PLEKHM3: variants seen among roughly 807,000 people sequenced by gnomAD.
PLEKHM3 encodes pleckstrin homology domain-containing family M member 3.
In PLEKHM3, 45 loss-of-function variants were observed where a neutral mutation model predicts 81.8. The ratio of observed to expected loss-of-function variants is 0.55; its 90% CI spans 0.43 to 0.71. PLEKHM3 has a LOEUF of 0.71. PLEKHM3 is among the 30% of genes least tolerant of loss of function. The probability of loss-of-function intolerance (pLI) is 0.00; values close to 1 mark genes in which losing one functional copy is unlikely to be tolerated. For synonymous variants in PLEKHM3, 352 were observed against 356.4 expected, an observed-to-expected ratio of 0.99 and a Z score of 0.14; for missense variants, 788 against 924.3, an observed-to-expected ratio of 0.85 and a Z score of 1.91.
intron 1 of PLEKHM3, among the ~76,000 whole-genome samples, chr2:208,006,479 T>C (rs760462892): frequency 7.9e-5 from 12 of 152,224 alleles, no homozygotes; most frequent in Non-Finnish European, 1.3e-4. Flanking sequence ...GGGTGGCCTC[T>C]GGCAAACCAT....
rs1574461039 is a variant in PLEKHM3, at chr2:207,976,509, A to G, written c.1546+142T>C. 4 of 779,668 alleles carry G rather than the reference A, an allele frequency of 5.1e-6. No homozygotes were observed. In the East Asian group the frequency reaches 8.1e-5, roughly 16 times the overall value. The allele number at this position is 779,668 out of a possible 1,614,324, so 48.3% of individuals were successfully genotyped here. A position where few individuals can be genotyped will look rare whatever the true frequency, so the allele number is the denominator to read the frequency against. On this transcript the variant is annotated intron_variant, in intron 3 of 7. Transcript: ENST00000427836. The surrounding 1 kb of genome is among the most constrained non-coding windows in gnomAD (Gnocchi z 4.1). ...AATTTAATATAGGATGTTTTAATACAGTAAGCTTCTCGAGGAGAGATACTT... is the reference window on the plus strand; with the variant it reads ...AATTTAATATAGGATGTTTTAATACGGTAAGCTTCTCGAGGAGAGATACTT...
At chr2:207,897,809 A>G (rs1425582268) in intron 6 of PLEKHM3, among the ~76,000 whole-genome samples, 1 of 152,140 alleles carries the variant, frequency 6.6e-6, no homozygotes, top group African/African-American at 2.4e-5. Flanking sequence ...CTACCTCACA[A>G]AGCAATGTCA....
chr2:207,980,808 G>C (rs1490011331), intron 2 of PLEKHM3, among the ~76,000 whole-genome samples: 1 of 152,024 alleles, frequency 6.6e-6, no homozygotes, highest in Non-Finnish European at 1.5e-5. Context: ...ATTCTTACAG[G>C]CTGCTGTTTG....
chr2:207,971,897 T>C (rs1691134177), intron 3 of PLEKHM3, among the ~76,000 whole-genome samples: 1 of 152,218 alleles, frequency 6.6e-6, no homozygotes, highest in African/African-American at 2.4e-5. Flanking sequence ...AAACATAAAA[T>C]GTAATCTGAA....
chr2:207,862,358 T>G (rs551279707), intron 6 of PLEKHM3, among the ~76,000 whole-genome samples: 1 of 152,302 alleles, frequency 6.6e-6, no homozygotes, highest in East Asian at 1.9e-4. Context: ...TGAGGGAGGC[T>G]GGGTGCTATG....
chr2:207,985,885 A>G (rs1259447292), intron 2 of PLEKHM3, among the ~76,000 whole-genome samples: 3 of 151,754 alleles, frequency 2.0e-5, no homozygotes, highest in Non-Finnish European at 2.9e-5. Context: ...CTACTCGGGA[A>G]GCTGAGGCAG....
rs1688087964 is a variant in PLEKHM3, at chr2:207,892,414, C to T, written c.1950+16100G>A. Among the ~76,000 whole-genome samples, 3 of 152,168 alleles carry T rather than the reference C, an allele frequency of 2.0e-5. No homozygotes were observed. The South Asian group carries it at 6.2e-4, about 31-fold the overall frequency. On this transcript the variant is annotated intron_variant, in intron 6 of 7. Transcript: ENST00000427836. ...CAGATTGCATTTTAAAATACTATAG[C>T]TTCTCCTCCACTGTTAACCATTTCA...
chr2:207,923,880 C>CACACACATATATAT (rs1319162543), intron 5 of PLEKHM3, among the ~76,000 whole-genome samples: 38 of 56,762 alleles, frequency 6.7e-4, no homozygotes, highest in Non-Finnish European at 8.3e-4. Context: ...CACACACACA[C>CACACACATATATAT]ATATATATAT....
chr2:207,834,664 A>T (rs2092308087), intron 7 of PLEKHM3, among the ~76,000 whole-genome samples: 1 of 151,266 alleles, frequency 6.6e-6, no homozygotes. Flanking sequence ...ACCTCAGGTG[A>T]TCCACCTGCC....
At position 207,826,593 on chromosome 2, in the gene PLEKHM3, G is replaced by A. The variant is rs1343239181; in HGVS notation, c.*1726C>T. 6.6e-6 allele frequency: 1 copy of A among 152,192 alleles called. No homozygotes were observed. The highest frequency in any genetic ancestry group is 2.4e-5 in the African/African-American group (1 of 41,438). 9.4% of individuals were successfully genotyped at this position (152,192 alleles called of 1,614,324 possible). Reference sequence around the variant, plus strand: ...CCTGGGGCCAAAGGAACTGGTGTGGGTTGAGAGGTAAAATGCTTACATCTA... The same window carrying A: ...CCTGGGGCCAAAGGAACTGGTGTGGATTGAGAGGTAAAATGCTTACATCTA... On this transcript the variant is annotated 3_prime_UTR_variant, in exon 8 of 8. Coordinates refer to ENST00000427836, the MANE Select transcript of PLEKHM3 (RefSeq NM_001080475.3).
intron 2 of PLEKHM3, among the ~76,000 whole-genome samples, chr2:207,985,857 A>G (rs946063344): frequency 3.9e-5 from 6 of 152,048 alleles, no homozygotes; most frequent in East Asian, 1.9e-4. Flanking sequence ...GTGTGGTGGC[A>G]GGCACCTGTA....
chr2:207,951,666 C>G (rs1690331481), intron 3 of PLEKHM3, among the ~76,000 whole-genome samples: 1 of 152,158 alleles, frequency 6.6e-6, no homozygotes, highest in African/African-American at 2.4e-5. Context: ...ACGTACAGTC[C>G]ATTTCCCAAA....
At chr2:207,894,869 C>T (rs868691740) in intron 6 of PLEKHM3, among the ~76,000 whole-genome samples, 21 of 152,212 alleles carry the variant, frequency 1.4e-4, no homozygotes, top group African/African-American at 4.6e-4. Context: ...TTTAGCTGGA[C>T]GACTTTGTGC....
intron 3 of PLEKHM3, among the ~76,000 whole-genome samples, chr2:207,953,868 G>C (rs924621059): frequency 5.7e-4 from 87 of 151,456 alleles, no homozygotes; most frequent in African/African-American, 2.0e-3. Flanking sequence ...ACAGAGAGCT[G>C]ACATGTTAAA....
intron 7 of PLEKHM3, among the ~76,000 whole-genome samples, chr2:207,857,667 C>T (rs10179845): frequency 0.59 from 89,389 of 151,864 alleles, 26,774 homozygotes; most frequent in Non-Finnish European, 0.65. Flanking sequence ...TTATAATACT[C>T]TTTTATAATT....
intron 3 of PLEKHM3, among the ~76,000 whole-genome samples, chr2:207,965,331 A>G (rs1332816602): frequency 1.3e-5 from 2 of 152,034 alleles, no homozygotes; most frequent in African/African-American, 4.8e-5. Context: ...AAGCTACAAA[A>G]AGGGACAAGA....
rs915087909 is a variant in PLEKHM3, at chr2:208,023,044, C to T, written c.-319+2345G>A. Among the ~76,000 whole-genome samples the T allele has an allele frequency of 5.3e-5, 8 of 152,240 alleles. No individual in the cohort carries two copies. The East Asian group carries it at 1.5e-3, about 29-fold the overall frequency. ...CAAAGGCAACTAACTATGAATGGGG[C>T]TGCAGCATGCTAATAAAATTTTGAA... On this transcript the variant is annotated intron_variant, in intron 1 of 7. Coordinates refer to ENST00000427836, the MANE Select transcript of PLEKHM3 (RefSeq NM_001080475.3).
intron 3 of PLEKHM3, among the ~76,000 whole-genome samples, chr2:207,969,364 C>G (rs1473573538): frequency 6.6e-6 from 1 of 152,254 alleles, no homozygotes; most frequent in Non-Finnish European, 1.5e-5. Flanking sequence ...CCCAGAAATA[C>G]TGCTTACTTC....
At chr2:207,965,796 G>C (rs1209718588) in intron 3 of PLEKHM3, among the ~76,000 whole-genome samples, 1 of 152,132 alleles carries the variant, frequency 6.6e-6, no homozygotes, top group Non-Finnish European at 1.5e-5. Context: ...ATAGACATCA[G>C]AGCCAGGAAA....
Sources: gnomAD v4.1 joint callset for allele counts (sites outside exome capture counted in the v4.1 genomes callset) on GRCh38, gnomAD v4.1.1 for gene constraint, Gnocchi (gnomAD v3.1) non-coding constraint, MANE v1.5 for transcripts, NCBI Gene and HGNC (gene_info 2026-07-23, HGNC 2026-07-21) for gene names.